The following ANGPT2 variants were observed in gnomAD, a reference collection of about 807,000 sequenced individuals.
ANGPT2 encodes angiopoietin 2.
In ANGPT2, 28 loss-of-function variants were observed where a neutral mutation model predicts 62.9. The observed-to-expected ratio is 0.44, with a 90% CI of 0.33 to 0.61. The LOEUF is 0.61. Ranked by LOEUF, ANGPT2 falls within the 20% of genes least tolerant of loss-of-function variation. ANGPT2 has a pLI of 0.03. For missense variants in ANGPT2, 727 were observed against 594.9 expected (o/e 1.22, Z -2.31); for synonymous variants, 284 against 207.8 (o/e 1.37, Z -3.15).
At chr8:6,531,156 C>T (rs1039906665) in intron 2 of ANGPT2, among the ~76,000 whole-genome samples, 2 of 151,868 alleles carry the variant, frequency 1.3e-5, no homozygotes, top group Admixed American at 6.6e-5. Context: ...CTGCTAATAG[C>T]AGCTTTTCCC....
At chr8:6,562,492 A>T (rs1586638903) in intron 1 of ANGPT2, among the ~76,000 whole-genome samples, 155 bp downstream of exon 1, 1 of 140,198 alleles carries the variant, frequency 7.1e-6, no homozygotes, top group African/African-American at 2.6e-5. Context: ...AAAAGAAATT[A>T]TCTTTCATTT....
At chr8:6,515,554 T>C (rs1816098217) in intron 5 of ANGPT2, among the ~76,000 whole-genome samples, 1 of 152,224 alleles carries the variant, frequency 6.6e-6, no homozygotes, top group Non-Finnish European at 1.5e-5. Flanking sequence ...CAGAATTCTT[T>C]CTTAAGCTAA....
At chr8:6,556,034 T>A (rs1824551751) in intron 1 of ANGPT2, among the ~76,000 whole-genome samples, 1 of 152,166 alleles carries the variant, frequency 6.6e-6, no homozygotes, top group Non-Finnish European at 1.5e-5. Context: ...TCAGGCCTGA[T>A]GCTGGCCTAG....
chr8:6,506,961 G>A (rs951165513), intron 8 of ANGPT2, among the ~76,000 whole-genome samples: 1 of 151,744 alleles, frequency 6.6e-6, no homozygotes, highest in Non-Finnish European at 1.5e-5. Flanking sequence ...GTACTGGTGC[G>A]ATCTCGGCTC....
chr8:6,499,972 T>C lies in ANGPT2; in HGVS notation c.*3129A>G, dbSNP rs1811835076. 5.9e-6 allele frequency: 9 copies of C among 1,533,960 alleles called. No individual in the cohort carries two copies. Among genetic ancestry groups the C allele is most frequent in the African/African-American group, 2.7e-5 (2 of 73,246 alleles). ...TTACGATGGTAAATGCAGTTTGCTGTTCTCAAGAAATTATTATAAACATAA... is the reference window on the plus strand; with the variant it reads ...TTACGATGGTAAATGCAGTTTGCTGCTCTCAAGAAATTATTATAAACATAA... On this transcript the variant is annotated 3_prime_UTR_variant, in exon 9 of 9. Coordinates refer to ENST00000629816, the MANE Select transcript of ANGPT2 (RefSeq NM_001118887.2).
intron 8 of ANGPT2, chr8:6,507,916 T>A (rs1814111291): frequency 6.6e-6 from 1 of 152,174 alleles, no homozygotes; most frequent in African/African-American, 2.4e-5. Flanking sequence ...TTTATTCCTA[T>A]GTTTGAACTC....
chr8:6,551,353 C>A (rs1224097487), intron 1 of ANGPT2, among the ~76,000 whole-genome samples: 2 of 152,036 alleles, frequency 1.3e-5, no homozygotes, highest in African/African-American at 4.8e-5. Flanking sequence ...AGCTGCAACG[C>A]CTTCATGGCA....
intron 3 of ANGPT2, among the ~76,000 whole-genome samples, chr8:6,526,736 A>G (rs765825844): frequency 3.3e-5 from 5 of 152,200 alleles, no homozygotes; most frequent in Non-Finnish European, 7.3e-5. Flanking sequence ...GAAATAGGAT[A>G]TATTGTTATA....
intron 1 of ANGPT2, among the ~76,000 whole-genome samples, chr8:6,556,361 A>T (rs1824607382): frequency 6.6e-6 from 1 of 152,162 alleles, no homozygotes; most frequent in Non-Finnish European, 1.5e-5. Context: ...TTACTTGGGT[A>T]ATAGGAATAG....
intron 1 of ANGPT2, among the ~76,000 whole-genome samples, chr8:6,554,993 C>T (rs572313073): frequency 1.1e-3 from 160 of 152,238 alleles, no homozygotes; most frequent in African/African-American, 3.8e-3. Context: ...CACACCTGAC[C>T]TAGAGTCCAG....
At chr8:6,516,995 C>T (rs1816386039) in intron 5 of ANGPT2, among the ~76,000 whole-genome samples, 1 of 152,260 alleles carries the variant, frequency 6.6e-6, no homozygotes, top group South Asian at 2.1e-4. Flanking sequence ...CTTAGTACTT[C>T]ATCCAGGTTT....
chr8:6,535,633 A>G (rs1041475992), intron 1 of ANGPT2, among the ~76,000 whole-genome samples: 2 of 152,350 alleles, frequency 1.3e-5, no homozygotes, highest in South Asian at 2.1e-4. Flanking sequence ...TGAAGCATGT[A>G]TCATTTAAAT....
chr8:6,559,943 A>G (rs1347539547), intron 1 of ANGPT2, among the ~76,000 whole-genome samples: 1 of 152,234 alleles, frequency 6.6e-6, no homozygotes, highest in Non-Finnish European at 1.5e-5. Context: ...GAGTTCATTC[A>G]GAAGCCTGAC....
chr8:6,526,748 C>T (rs979259023), intron 3 of ANGPT2, among the ~76,000 whole-genome samples: 2 of 152,018 alleles, frequency 1.3e-5, no homozygotes, highest in Admixed American at 6.6e-5. Context: ...ATTGTTATAG[C>T]CATGTTCCAT....
Position 6,514,684 on chromosome 8 carries a change from T to C in ANGPT2, c.1022A>G (p.Tyr341Cys). 1 of 1,613,890 alleles carries C rather than the reference T, an allele frequency of 6.2e-7. No individual in the cohort carries two copies. Among genetic ancestry groups the C allele is most frequent in the Non-Finnish European group, 8.5e-7 (1 of 1,179,792 alleles). The change falls in exon 6 of 9, where the codon TAT becomes TGT. Residue 341 changes from tyrosine to cysteine, a missense_variant. Physicochemically the swap from Tyr to Cys is radical, Grantham distance 194. Transcript: ENST00000629816. ...CTTAAAGAATGTCCTTACCACTTTA[T>C]ATTCTTTCCAAGTCCTCTGAAAATC... ...SVDFQRTWKEYKVGFGNPSGE... is the reference protein window; with the variant it reads ...SVDFQRTWKECKVGFGNPSGE...
intron 1 of ANGPT2, among the ~76,000 whole-genome samples, chr8:6,534,548 C>T (rs1401053279): frequency 6.6e-6 from 1 of 152,078 alleles, no homozygotes; most frequent in African/African-American, 2.4e-5. Context: ...GGACTACGAG[C>T]GTGAGCCAGC....
At chr8:6,511,525 C>A (rs1815090597) in intron 7 of ANGPT2, among the ~76,000 whole-genome samples, 1 of 152,078 alleles carries the variant, frequency 6.6e-6, no homozygotes, top group South Asian at 2.1e-4. Context: ...TTCCAGTTTT[C>A]CAACACTTGG....
Position 6,503,026 on chromosome 8 carries a change from A to T in ANGPT2, c.*75T>A, listed in dbSNP as rs1245295166. On this transcript the variant is annotated 3_prime_UTR_variant, in exon 9 of 9. Coordinates refer to ENST00000629816, the MANE Select transcript of ANGPT2 (RefSeq NM_001118887.2). ...TGTGGTGGAAGAGGACACAGTGCGC[A>T]GCCGTGACTTTCAGTGCACTGGGCT... 6.4e-6 allele frequency: 10 copies of T among 1,560,546 alleles called. No individual in the cohort carries two copies. Among genetic ancestry groups the T allele is most frequent in the African/African-American group, 1.4e-5 (1 of 74,032 alleles).
rs1311637038 is a variant in ANGPT2 at position 6,535,738 on chromosome 8, A to G, written c.289-3251T>C. On this transcript the variant is annotated intron_variant, in intron 1 of 8. Coordinates refer to ENST00000629816, the MANE Select transcript of ANGPT2 (RefSeq NM_001118887.2). ...GAACCAAAAATGTGCAGTAGTAGAT[A>G]TTTTGTGTTGATTTAAAAAGATATT... is the stretch of plus-strand genomic sequence containing the variant. Among the ~76,000 whole-genome samples the G allele has an allele frequency of 3.9e-5, 6 of 152,162 alleles. No individual in the cohort carries two copies. In the East Asian group the frequency reaches 9.6e-4, roughly 24 times the overall value.
Sources: allele counts gnomAD v4.1 joint callset (sites outside exome capture counted in the v4.1 genomes callset), GRCh38; gene constraint gnomAD v4.1.1; transcripts MANE v1.5; gene names NCBI Gene and HGNC (gene_info 2026-07-23, HGNC 2026-07-21).